The following PCSK2 variants were observed in gnomAD, a reference collection of about 807,000 sequenced individuals.
PCSK2 encodes proprotein convertase subtilisin/kexin type 2.
A neutral mutation model predicts 69.7 loss-of-function variants in PCSK2; 14 were observed. The observed-to-expected ratio is 0.20, with a 90% CI of 0.13 to 0.31. The LOEUF (loss-of-function observed/expected upper bound fraction) is 0.31, where lower values mean the gene tolerates loss of function less well. Among genes scored for constraint, PCSK2 ranks in the 10% least tolerant of loss-of-function variants. The pLI is 1.00. For synonymous variants in PCSK2, 307 were observed against 320.7 expected (o/e 0.96, Z 0.46); for missense variants, 544 against 842.5 (o/e 0.65, Z 4.39).
intron 1 of PCSK2, among the ~76,000 whole-genome samples, chr20:17,239,789 C>A (rs1256405964): frequency 6.7e-6 from 1 of 150,162 alleles, no homozygotes; most frequent in African/African-American, 2.5e-5. Flanking sequence ...ATCTTACTGG[C>A]CTAAGATGAT....
At chr20:17,443,976 T>C (rs779277687) in intron 8 of PCSK2, among the ~76,000 whole-genome samples, 15 of 152,208 alleles carry the variant, frequency 9.9e-5, no homozygotes, top group Non-Finnish European at 2.2e-4. Flanking sequence ...GGGAATAAAT[T>C]TCCCCAAGCA....
At chr20:17,322,409 GC>G (rs1989897491) in intron 2 of PCSK2, among the ~76,000 whole-genome samples, 1 of 152,136 alleles carries the variant, frequency 6.6e-6, no homozygotes, top group African/African-American at 2.4e-5. Context: ...TAGGTTGAAG[GC>G]CCAACCCCCC....
chr20:17,300,309 T>G (rs982152351), intron 2 of PCSK2, among the ~76,000 whole-genome samples: 5 of 152,208 alleles, frequency 3.3e-5, no homozygotes, highest in Admixed American at 2.0e-4. Context: ...TGCACTGCTG[T>G]GGGCGCCTGT....
chr20:17,482,071 C>A lies in PCSK2; in HGVS notation c.*1C>A. The A allele has an allele frequency of 1.3e-6, 2 of 1,559,604 alleles. No homozygotes were observed. The highest frequency in any genetic ancestry group is 2.4e-5 in the South Asian group (2 of 82,214). Reference sequence around the variant, plus strand: ...GAAAAGCATCCTTAACAAGAACTAGCGCTGCACATCCGCCTTTCCCACCGC... The same window carrying A: ...GAAAAGCATCCTTAACAAGAACTAGAGCTGCACATCCGCCTTTCCCACCGC... On this transcript the variant is annotated 3_prime_UTR_variant, in exon 12 of 12. Coordinates refer to ENST00000262545, the MANE Select transcript of PCSK2 (RefSeq NM_002594.5).
At chr20:17,412,021 G>T (rs2031886458) in intron 6 of PCSK2, among the ~76,000 whole-genome samples, 1 of 152,204 alleles carries the variant, frequency 6.6e-6, no homozygotes, top group Non-Finnish European at 1.5e-5. Context: ...AACCCCATTT[G>T]TAGATCACCA....
At chr20:17,373,643 G>C (rs1302828989) in intron 5 of PCSK2, among the ~76,000 whole-genome samples, 9 of 152,094 alleles carry the variant, frequency 5.9e-5, no homozygotes, top group African/African-American at 9.7e-5. Context: ...TCTACCCAAG[G>C]CTCCTCAAAA....
At chr20:17,433,674 C>G (rs1000312731) in intron 7 of PCSK2, among the ~76,000 whole-genome samples, 1 of 152,190 alleles carries the variant, frequency 6.6e-6, no homozygotes, top group Non-Finnish European at 1.5e-5. Flanking sequence ...TGCAGGCCTG[C>G]CTGGGGTCAG....
chr20:17,425,020 C>T (rs1385812385), intron 6 of PCSK2, among the ~76,000 whole-genome samples: 2 of 152,010 alleles, frequency 1.3e-5, no homozygotes, highest in Non-Finnish European at 2.9e-5. Context: ...AAGCAATACG[C>T]CCACCTTGGC....
intron 11 of PCSK2, 128 bp downstream of exon 11, chr20:17,465,681 T>G (rs1488621679): frequency 3.0e-6 from 2 of 676,440 alleles, no homozygotes; most frequent in African/African-American, 1.8e-5. Flanking sequence ...GTTTGTTTGT[T>G]TTTTTGAGAC....
At chr20:17,310,326 G>A (rs1301422731) in intron 2 of PCSK2, among the ~76,000 whole-genome samples, 2 of 152,092 alleles carry the variant, frequency 1.3e-5, no homozygotes, top group Non-Finnish European at 2.9e-5. Flanking sequence ...CTGTCTGGAG[G>A]TTGGGTTGCT....
At chr20:17,467,808 C>T (rs548598098) in intron 11 of PCSK2, among the ~76,000 whole-genome samples, 24 of 152,298 alleles carry the variant, frequency 1.6e-4, no homozygotes, top group African/African-American at 5.5e-4. Flanking sequence ...ACACAGTAGG[C>T]ACTTAATAAA....
chr20:17,409,351 C>T lies in PCSK2; in HGVS notation c.620+12C>T, dbSNP rs1292330832. 6.3e-7 allele frequency: 1 copy of T among 1,585,126 alleles called. No homozygotes were observed. Among genetic ancestry groups the T allele is most frequent in the South Asian group, 1.1e-5 (1 of 90,490 alleles). ...GACTGGTTTAACAGGTAAACTGGGC[C>T]TTGGGAGGTCTCTTTGACTTTAGGC... On this transcript the variant is annotated intron_variant, in intron 6 of 11. Transcript: ENST00000262545.
At chr20:17,461,109 C>T (rs1327623640) in intron 10 of PCSK2, among the ~76,000 whole-genome samples, 1 of 152,118 alleles carries the variant, frequency 6.6e-6, no homozygotes. Context: ...CAATGGGTTG[C>T]AGTGAATGAG....
At chr20:17,262,275 T>G (rs1987419354) in intron 2 of PCSK2, among the ~76,000 whole-genome samples, 1 of 152,210 alleles carries the variant, frequency 6.6e-6, no homozygotes, top group South Asian at 2.1e-4. Flanking sequence ...CAATTGCCTC[T>G]ATCTGGTAGT....
At chr20:17,446,966 C>T (rs991896707) in intron 8 of PCSK2, among the ~76,000 whole-genome samples, 11 of 151,834 alleles carry the variant, frequency 7.2e-5, no homozygotes, top group Non-Finnish European at 1.2e-4. Flanking sequence ...AAAGGAATAC[C>T]ATGAGGTCAG....
intron 10 of PCSK2, among the ~76,000 whole-genome samples, chr20:17,457,401 T>C (rs1568658524): frequency 6.6e-6 from 1 of 152,196 alleles, no homozygotes; most frequent in African/African-American, 2.4e-5. Context: ...AGTTGGTTCC[T>C]AGAATAGAAA....
intron 8 of PCSK2, among the ~76,000 whole-genome samples, chr20:17,445,275 G>A (rs1185120901): frequency 2.6e-5 from 4 of 152,336 alleles, no homozygotes; most frequent in African/African-American, 9.6e-5. Flanking sequence ...ACTGATTCAT[G>A]AACGTCTTTC....
intron 10 of PCSK2, among the ~76,000 whole-genome samples, chr20:17,460,483 A>T (rs962382506): frequency 2.0e-5 from 3 of 152,172 alleles, no homozygotes. Flanking sequence ...CTTAATAAGG[A>T]AGGAGAAAAG....
chr20:17,352,149 T>G (rs879439708), intron 2 of PCSK2, among the ~76,000 whole-genome samples: 2 of 151,982 alleles, frequency 1.3e-5, no homozygotes, highest in Non-Finnish European at 2.9e-5. Flanking sequence ...ACGAAAGAGG[T>G]AAAAGATCTC....
Sources: gnomAD v4.1 joint callset for allele counts (sites outside exome capture counted in the v4.1 genomes callset) on GRCh38, gnomAD v4.1.1 for gene constraint, MANE v1.5 for transcripts, NCBI Gene and HGNC (gene_info 2026-07-23, HGNC 2026-07-21) for gene names.